Variants in GKAP1 observed in about 807,000 individuals in gnomAD.
GKAP1 encodes G kinase anchoring protein 1.
In GKAP1, 31 loss-of-function variants were observed where a neutral mutation model predicts 56.7. That is an observed-to-expected ratio of 0.55 (90% confidence interval 0.41 to 0.74). The LOEUF is 0.74. GKAP1 is among the 30% of genes least tolerant of loss of function. The pLI is 0.00. For synonymous variants in GKAP1, 151 were observed against 138.6 expected (o/e 1.09, Z -0.63); for missense variants, 364 against 402.3 (o/e 0.90, Z 0.82).
intron 7 of GKAP1, among the ~76,000 whole-genome samples, chr9:83,777,796 T>G (rs10868060): frequency 1.3e-5 from 2 of 151,958 alleles, no homozygotes; most frequent in East Asian, 3.8e-4. Flanking sequence ...CAAAACTAGT[T>G]CATTTGTAGG....
At chr9:83,757,862 G>T (rs1274550664) in intron 8 of GKAP1, among the ~76,000 whole-genome samples, 1 of 151,358 alleles carries the variant, frequency 6.6e-6, no homozygotes, top group African/African-American at 2.4e-5. Context: ...AAAAAGTGTA[G>T]AATCTGGATA....
intron 2 of GKAP1, among the ~76,000 whole-genome samples, chr9:83,815,404 G>A (rs906188077): frequency 6.6e-5 from 10 of 151,424 alleles, no homozygotes; most frequent in African/African-American, 2.4e-4. Flanking sequence ...GCACCACCAA[G>A]CCCGACCCAA....
intron 9 of GKAP1, among the ~76,000 whole-genome samples, chr9:83,749,636 A>G (rs760319696): frequency 8.5e-5 from 13 of 152,134 alleles, no homozygotes; most frequent in Non-Finnish European, 1.8e-4. Flanking sequence ...AAGAAAAATC[A>G]TTTTTTTCCT....
chr9:83,798,979 T>C (rs1197571036), intron 4 of GKAP1, among the ~76,000 whole-genome samples: 1 of 152,194 alleles, frequency 6.6e-6, no homozygotes, highest in Non-Finnish European at 1.5e-5. Flanking sequence ...CTGCTTCCTA[T>C]TGTCAAAACT....
intron 6 of GKAP1, 152 bp downstream of exon 6, chr9:83,784,563 C>T (rs1404386615): frequency 9.3e-6 from 5 of 537,246 alleles, no homozygotes; most frequent in Admixed American, 3.7e-5. Flanking sequence ...CAGTACAAAA[C>T]GAACTAAGAC....
chr9:83,748,189 T>G (rs943497024), intron 10 of GKAP1, 120 bp downstream of exon 10: 1 of 594,236 alleles, frequency 1.7e-6, no homozygotes, highest in Non-Finnish European at 3.0e-6. Context: ...TTGTTAACTA[T>G]AGTCACCCTA....
chr9:83,808,699 T>C (rs1442488339), intron 2 of GKAP1, among the ~76,000 whole-genome samples: 1 of 152,238 alleles, frequency 6.6e-6, no homozygotes, highest in Non-Finnish European at 1.5e-5. Context: ...ATTTTAAATG[T>C]TGGGACTATT....
Position 83,788,640 on chromosome 9 carries a change from T to C in GKAP1, c.399A>G (p.Ala133=), listed in dbSNP as rs138780009. 2.9e-5 allele frequency: 46 copies of C among 1,605,600 alleles called. No homozygotes were observed. The highest frequency in any genetic ancestry group is 3.9e-5 in the Non-Finnish European group (46 of 1,176,040). Residue 133 remains alanine, a synonymous_variant, in exon 5 of 13, where the codon GCA becomes GCG. Transcript: ENST00000376371. ...CATATTCTAGTTTACTTAGTAACAA[T>C]GCCTTCTCAAGATCTGCTTCAAACA... ...SEMFEADLEK[A]LLLSKLEYEE...
At chr9:83,773,644 G>C (rs1943801361) in intron 7 of GKAP1, among the ~76,000 whole-genome samples, 1 of 152,032 alleles carries the variant, frequency 6.6e-6, no homozygotes, top group Non-Finnish European at 1.5e-5. Context: ...GCCTCGACAA[G>C]GTAACCATTA....
At chr9:83,770,425 T>C (rs1467527228) in intron 7 of GKAP1, among the ~76,000 whole-genome samples, 7 of 152,340 alleles carry the variant, frequency 4.6e-5, no homozygotes, top group African/African-American at 1.4e-4. Flanking sequence ...TTTAACTGCG[T>C]TGGGACTCTT....
At chr9:83,755,308 G>A (rs1257912079) in intron 8 of GKAP1, among the ~76,000 whole-genome samples, 1 of 152,090 alleles carries the variant, frequency 6.6e-6, no homozygotes, top group Non-Finnish European at 1.5e-5. Context: ...CACTAAAAAT[G>A]GTGATATAGA....
chr9:83,740,118 T>G (rs2287372), intron 12 of GKAP1, among the ~76,000 whole-genome samples: 26,618 of 152,150 alleles, frequency 0.17, 2,905 homozygotes, highest in Non-Finnish European at 0.24. Flanking sequence ...AGTAATTCAG[T>G]TCATTACCTT....
intron 2 of GKAP1, among the ~76,000 whole-genome samples, chr9:83,816,274 T>C (rs531674131): frequency 6.6e-6 from 1 of 152,282 alleles, no homozygotes; most frequent in East Asian, 1.9e-4. Context: ...CTGTAAGTGA[T>C]GTAAACCCAA....
intron 4 of GKAP1, among the ~76,000 whole-genome samples, chr9:83,795,518 C>A (rs1429512852): frequency 6.7e-6 from 1 of 149,922 alleles, no homozygotes; most frequent in East Asian, 2.0e-4. Flanking sequence ...GACAGGAGCA[C>A]ATCTCAGAAA....
intron 1 of GKAP1, 136 bp downstream of exon 1, chr9:83,817,381 G>C (rs577717771): frequency 1.3e-5 from 2 of 151,942 alleles, no homozygotes; most frequent in Non-Finnish European, 1.5e-5. Flanking sequence ...GCTCCGGTCA[G>C]TGGGGCCCGT....
intron 3 of GKAP1, among the ~76,000 whole-genome samples, chr9:83,804,831 G>C (rs144242977): frequency 2.8e-5 from 3 of 106,704 alleles, no homozygotes; most frequent in African/African-American, 1.2e-4. Context: ...CAGCCGCCCC[G>C]TCCGGGAGGG....
chr9:83,774,577 G>A (rs1419804422), intron 7 of GKAP1, among the ~76,000 whole-genome samples: 1 of 147,164 alleles, frequency 6.8e-6, no homozygotes, highest in Non-Finnish European at 1.5e-5. Context: ...CTGGGTGACA[G>A]AGCAAGACCC....
At chr9:83,775,274 T>A (rs1455905449) in intron 7 of GKAP1, among the ~76,000 whole-genome samples, 1 of 152,138 alleles carries the variant, frequency 6.6e-6, no homozygotes. Flanking sequence ...CTGAAGTAGC[T>A]GGCATTACAG....
intron 3 of GKAP1, among the ~76,000 whole-genome samples, chr9:83,805,786 A>G (rs1944430534): frequency 6.6e-6 from 1 of 152,202 alleles, no homozygotes; most frequent in South Asian, 2.1e-4. Flanking sequence ...ACTTTATGCA[A>G]TGAACACACA....
Sources: allele counts gnomAD v4.1 joint callset (sites outside exome capture counted in the v4.1 genomes callset), GRCh38; gene constraint gnomAD v4.1.1; transcripts MANE v1.5; gene names NCBI Gene and HGNC (gene_info 2026-07-23, HGNC 2026-07-21).